The following ANKRD33B variants were observed in gnomAD, a reference collection of about 807,000 sequenced individuals.
ANKRD33B encodes the protein ankyrin repeat domain-containing protein 33B.
Under a neutral mutation model 21.5 loss-of-function variants are expected in ANKRD33B, and 6 were observed. The ratio of observed to expected loss-of-function variants is 0.28; its 90% CI spans 0.15 to 0.55. The LOEUF (loss-of-function observed/expected upper bound fraction) is 0.55. ANKRD33B is among the 20% of genes least tolerant of loss of function. The probability of loss-of-function intolerance (pLI) is 0.94; values close to 1 mark genes in which losing one functional copy is unlikely to be tolerated. For missense variants in ANKRD33B, 698 were observed against 747.2 expected (o/e 0.93, Z 0.77); for synonymous variants, 347 against 342.4 (o/e 1.01, Z -0.15).
intron 1 of ANKRD33B, among the ~76,000 whole-genome samples, chr5:10,600,849 G>A (rs1358914771): frequency 6.6e-6 from 1 of 152,034 alleles, no homozygotes; most frequent in Non-Finnish European, 1.5e-5. Context: ...AACCATTCTG[G>A]TGGGTGTATG....
chr5:10,592,209 C>T (rs571923043), intron 1 of ANKRD33B, among the ~76,000 whole-genome samples: 1 of 152,104 alleles, frequency 6.6e-6, no homozygotes, highest in South Asian at 2.1e-4. Context: ...TTATTTTGGG[C>T]CATCTGCTTT....
intron 2 of ANKRD33B, among the ~76,000 whole-genome samples, chr5:10,621,474 C>A (rs1037226807): frequency 7.9e-5 from 12 of 152,230 alleles, no homozygotes; most frequent in African/African-American, 2.9e-4. Flanking sequence ...CGGCAAGAAA[C>A]CTGGTTTGCA....
rs1267882951 is a variant in ANKRD33B at position 10,649,420 on chromosome 5, G to A, written c.792G>A (p.Pro264=). Residue 264 remains proline, a synonymous_variant, in exon 4 of 4, where the codon CCG becomes CCA. Coordinates refer to ENST00000296657, the MANE Select transcript of ANKRD33B (RefSeq NM_001164440.2). ...QFWEKYRPEL[P]PPPEAARKPA... ...GGGAGAAGTACCGGCCCGAGCTGCCGCCGCCCCCTGAAGCGGCGCGGAAGC... is the reference window on the plus strand; with the variant it reads ...GGGAGAAGTACCGGCCCGAGCTGCCACCGCCCCCTGAAGCGGCGCGGAAGC... The A allele has an allele frequency of 2.0e-6, 3 of 1,535,288 alleles. No individual in the cohort carries two copies. Among genetic ancestry groups the A allele is most frequent in the East Asian group, 4.9e-5 (2 of 40,924 alleles).
Position 10,650,570 on chromosome 5 carries a change from T to C in ANKRD33B, c.*457T>C, listed in dbSNP as rs2126612840. The C allele has an allele frequency of 6.5e-6, 1 of 152,786 alleles. No individual in the cohort carries two copies. Among genetic ancestry groups the C allele is most frequent in the Non-Finnish European group, 1.5e-5 (1 of 68,226 alleles). The allele number at this position is 152,786 out of a possible 1,614,324, so 9.5% of individuals were successfully genotyped here. A position where few individuals can be genotyped will look rare whatever the true frequency, so the allele number is the denominator to read the frequency against. ...TCTAGCAATAAGTATCCATGATACC[T>C]GTATGAGTTCACACAGACATCATGG... On this transcript the variant is annotated 3_prime_UTR_variant, in exon 4 of 4. Coordinates refer to ENST00000296657, the MANE Select transcript of ANKRD33B (RefSeq NM_001164440.2).
intron 1 of ANKRD33B, among the ~76,000 whole-genome samples, chr5:10,594,934 G>T (rs1312422774): frequency 1.3e-5 from 2 of 152,182 alleles, no homozygotes; most frequent in African/African-American, 4.8e-5. Context: ...AGTTGAAGGA[G>T]CTGGGCTGAG....
chr5:10,583,326 AGTATC>A lies in ANKRD33B; in HGVS notation c.366+18496_366+18500del, dbSNP rs1339472728. ...GTCCCTGCTTTTTGAACATGATTCA[AGTATC>A]GTGCCCTGTTGCCAGTTACATATAC... On this transcript the variant is annotated intron_variant, in intron 1 of 3. Transcript: ENST00000296657. 2.6e-5 allele frequency among the ~76,000 whole-genome samples: 4 copies of A among 152,218 alleles called. No homozygotes were observed. In the South Asian group the frequency reaches 6.2e-4, roughly 24 times the overall value.
rs547050197 is a variant in ANKRD33B, at chr5:10,576,611, C to T, written c.366+11778C>T. ...TCCTAGAGGTTCTAGGCAGAACTAA[C>T]GAGTAAGTTACAGAGAATGTGCTTG... On this transcript the variant is annotated intron_variant, in intron 1 of 3. Coordinates refer to ENST00000296657, the MANE Select transcript of ANKRD33B (RefSeq NM_001164440.2). This position sits in a 1 kb window ranked among gnomAD's most constrained non-coding sequence, Gnocchi z 4.1. Among the ~76,000 whole-genome samples the T allele has an allele frequency of 2.0e-5, 3 of 152,238 alleles. No individual in the cohort carries two copies. The highest frequency in any genetic ancestry group is 4.4e-5 in the Non-Finnish European group (3 of 68,020).
rs946089243 is a variant in ANKRD33B, at chr5:10,619,863, C to G, written c.496+1401C>G. ...ACAGAGAAACACACGAAGCCCAGCACCATCTGTCTGCCGGAGCTTGGTGCT... is the reference window on the plus strand; with the variant it reads ...ACAGAGAAACACACGAAGCCCAGCAGCATCTGTCTGCCGGAGCTTGGTGCT... On this transcript the variant is annotated intron_variant, in intron 2 of 3. Transcript: ENST00000296657. This position sits in a 1 kb window ranked among gnomAD's most constrained non-coding sequence, Gnocchi z 4.5. 1.3e-5 allele frequency among the ~76,000 whole-genome samples: 2 copies of G among 152,188 alleles called. No homozygotes were observed. Among genetic ancestry groups the G allele is most frequent in the African/African-American group, 4.8e-5 (2 of 41,438 alleles).
chr5:10,615,435 C>T (rs1262156519), intron 1 of ANKRD33B, among the ~76,000 whole-genome samples: 1 of 152,224 alleles, frequency 6.6e-6, no homozygotes, highest in African/African-American at 2.4e-5. Context: ...AACAGATCAT[C>T]TGAGTATCCA....
chr5:10,601,257 C>G (rs1414937679), intron 1 of ANKRD33B, among the ~76,000 whole-genome samples: 1 of 152,238 alleles, frequency 6.6e-6, no homozygotes, highest in Non-Finnish European at 1.5e-5. Context: ...ACGCTGCTTT[C>G]TAAGACCCTG....
Position 10,576,521 on chromosome 5 carries a change from G to C in ANKRD33B, c.366+11688G>C, listed in dbSNP as rs1187053406. ...TCCTGGACAAGTCCCATGATCTTTTGATCTTTAGTTTCCTTTAGATACCCA... is the reference window on the plus strand; with the variant it reads ...TCCTGGACAAGTCCCATGATCTTTTCATCTTTAGTTTCCTTTAGATACCCA... On this transcript the variant is annotated intron_variant, in intron 1 of 3. Transcript: ENST00000296657. This position sits in a 1 kb window ranked among gnomAD's most constrained non-coding sequence, Gnocchi z 4.1. Among the ~76,000 whole-genome samples, 2 of 152,180 alleles carry C rather than the reference G, an allele frequency of 1.3e-5. No individual in the cohort carries two copies. Among genetic ancestry groups the C allele is most frequent in the Non-Finnish European group, 2.9e-5 (2 of 68,014 alleles).
At chr5:10,612,729 A>G (rs773353883) in intron 1 of ANKRD33B, among the ~76,000 whole-genome samples, 11 of 152,196 alleles carry the variant, frequency 7.2e-5, no homozygotes, top group Non-Finnish European at 1.2e-4. Flanking sequence ...CCCCAGCGCA[A>G]GATTCTTTTC....
At chr5:10,594,751 G>A (rs952420892) in intron 1 of ANKRD33B, among the ~76,000 whole-genome samples, 1 of 152,198 alleles carries the variant, frequency 6.6e-6, no homozygotes, top group African/African-American at 2.4e-5. Flanking sequence ...ATACATGTCA[G>A]GAACCCAGAG....
chr5:10,623,641 G>C (rs1287247572), intron 2 of ANKRD33B, among the ~76,000 whole-genome samples: 1 of 152,222 alleles, frequency 6.6e-6, no homozygotes, highest in Non-Finnish European at 1.5e-5. Context: ...AGCTGGATAG[G>C]AGGGAAGATT....
intron 2 of ANKRD33B, chr5:10,628,146 C>G (rs1736624752): frequency 6.6e-6 from 1 of 152,272 alleles, no homozygotes; most frequent in Non-Finnish European, 1.5e-5. Flanking sequence ...CAACCCAATT[C>G]TGTAACATTT....
chr5:10,574,219 A>T (rs1203602234), intron 1 of ANKRD33B, among the ~76,000 whole-genome samples: 1 of 152,264 alleles, frequency 6.6e-6, no homozygotes, highest in African/African-American at 2.4e-5. Flanking sequence ...ACTTTTCTAC[A>T]TATTTCTTTC....
chr5:10,615,859 C>G (rs192976012), intron 1 of ANKRD33B, among the ~76,000 whole-genome samples: 23 of 152,132 alleles, frequency 1.5e-4, no homozygotes, highest in Non-Finnish European at 3.1e-4. Flanking sequence ...CACATTTATG[C>G]GAAAGCAGGT....
At chr5:10,609,961 CAAAG>C (rs896455981) in intron 1 of ANKRD33B, among the ~76,000 whole-genome samples, 12 of 151,920 alleles carry the variant, frequency 7.9e-5, no homozygotes, top group Non-Finnish European at 1.5e-4. Context: ...GAGGAAAAGA[CAAAG>C]AAGCCAATGG....
intron 1 of ANKRD33B, among the ~76,000 whole-genome samples, chr5:10,568,388 G>C (rs1179940177): frequency 1.3e-5 from 2 of 152,242 alleles, no homozygotes; most frequent in East Asian, 3.8e-4. Context: ...CGGCTCTTGA[G>C]ATGACAGTGA....
Sources: gnomAD v4.1 joint callset for allele counts (sites outside exome capture counted in the v4.1 genomes callset) on GRCh38, gnomAD v4.1.1 for gene constraint, Gnocchi (gnomAD v3.1) non-coding constraint, MANE v1.5 for transcripts, NCBI Gene and HGNC (gene_info 2026-07-23, HGNC 2026-07-21) for gene names.